Variants in MFHAS1 observed in about 807,000 individuals in gnomAD.
MFHAS1 encodes the protein multifunctional ROCO family signaling regulator 1, also known as malignant fibrous histiocytoma-amplified sequence 1.
Under a neutral mutation model 70.4 loss-of-function variants are expected in MFHAS1, and 50 were observed. The observed-to-expected ratio is 0.71, with a 90% CI of 0.57 to 0.90. The LOEUF (loss-of-function observed/expected upper bound fraction) is 0.90, where lower values mean the gene tolerates loss of function less well. MFHAS1 is among the 40% of genes least tolerant of loss of function. The probability of loss-of-function intolerance (pLI) is 0.00; values close to 1 mark genes in which losing one functional copy is unlikely to be tolerated. For synonymous variants in MFHAS1, 952 were observed against 620.0 expected (o/e 1.54, Z -7.96); for missense variants, 1,795 against 1,347.6 (o/e 1.33, Z -5.20).
chr8:8,793,170 T>C (rs1435397667), intron 2 of MFHAS1, among the ~76,000 whole-genome samples: 1 of 148,486 alleles, frequency 6.7e-6, no homozygotes, highest in Non-Finnish European at 1.5e-5. Flanking sequence ...AATCATGTTG[T>C]TAAAACAAAA....
In MFHAS1 at chr8:8,829,231, G is replaced by C. The variant is rs77575976; in HGVS notation, c.2999-31740C>G. ...CCCCTTCCCCATCCTGAGTCTGGCA[G>C]ATTCCAACTCAGTATGTGTACCGGG... On this transcript the variant is annotated intron_variant, in intron 1 of 2. Coordinates refer to ENST00000276282, the MANE Select transcript of MFHAS1 (RefSeq NM_004225.3). 6.8e-3 allele frequency among the ~76,000 whole-genome samples: 1,043 copies of C among 152,348 alleles called. 17 individuals carry two copies. The highest frequency in any genetic ancestry group is 0.023 in the African/African-American group (948 of 41,582).
intron 1 of MFHAS1, among the ~76,000 whole-genome samples, chr8:8,814,709 T>A (rs10088933): frequency 0.62 from 94,701 of 151,946 alleles, 30,077 homozygotes; most frequent in East Asian, 0.78. Flanking sequence ...ATAATTTTTT[T>A]AAATGGGTAA....
At chr8:8,791,676 A>G (rs1805723989) in intron 2 of MFHAS1, among the ~76,000 whole-genome samples, 2 of 152,342 alleles carry the variant, frequency 1.3e-5, no homozygotes, top group South Asian at 2.1e-4. Context: ...AAGCTTTAAA[A>G]GATAATGCGG....
intron 2 of MFHAS1, among the ~76,000 whole-genome samples, chr8:8,788,955 G>C (rs951855778): frequency 6.6e-6 from 1 of 152,228 alleles, no homozygotes; most frequent in Non-Finnish European, 1.5e-5. Flanking sequence ...ACGGCCAGGA[G>C]TTTGAACTTG....
rs144056636 is a variant in MFHAS1 at position 8,891,838 on chromosome 8, C to T, written c.1221G>A (p.Gln407=). 60 of 1,612,782 alleles carry T rather than the reference C, an allele frequency of 3.7e-5. 1 individual carries two copies. The Middle Eastern group carries it at 4.9e-4, about 13-fold the overall frequency. The change falls in exon 1 of 3, where the codon CAG becomes CAA. Residue 407 remains glutamine (Q), a synonymous_variant. Transcript: ENST00000276282. This position sits in a 1 kb window ranked among gnomAD's most constrained non-coding sequence, Gnocchi z 5.4. ...KELAHSQPAV[Q]PRLKLLLMGH... is the part of the protein sequence containing the mutation. Reference sequence around the variant, plus strand: ...CCATCAGGAGCAGCTTGAGCCGGGGCTGCACCGCCGGCTGGGAATGAGCCA... The same window carrying T: ...CCATCAGGAGCAGCTTGAGCCGGGGTTGCACCGCCGGCTGGGAATGAGCCA...
intron 1 of MFHAS1, among the ~76,000 whole-genome samples, chr8:8,807,415 C>G (rs1053552550): frequency 2.0e-5 from 3 of 152,158 alleles, no homozygotes; most frequent in Non-Finnish European, 4.4e-5. Context: ...TCCTCACTTA[C>G]TGCCTCTCAA....
chr8:8,874,846 A>C, intron 1 of MFHAS1, among the ~76,000 whole-genome samples: 1 of 152,134 alleles, frequency 6.6e-6, no homozygotes. Context: ...TAAGTATGAT[A>C]GACAAAAGGT....
At position 8,829,311 on chromosome 8, in the gene MFHAS1, C is replaced by T. The variant is rs114625858; in HGVS notation, c.2999-31820G>A. Among the ~76,000 whole-genome samples, 1,026 of 152,294 alleles carry T rather than the reference C, an allele frequency of 6.7e-3. 7 individuals are homozygous for T. Among genetic ancestry groups the T allele is most frequent in the African/African-American group, 0.021 (858 of 41,552 alleles). ...CACCCTTCTCCGTGCAGCTCAGCACCCTGGACATCATCTTCTTCACTGCCT... is the reference window on the plus strand; with the variant it reads ...CACCCTTCTCCGTGCAGCTCAGCACTCTGGACATCATCTTCTTCACTGCCT... On this transcript the variant is annotated intron_variant, in intron 1 of 2. Transcript: ENST00000276282.
At chr8:8,867,807 TC>T (rs1463177987) in intron 1 of MFHAS1, among the ~76,000 whole-genome samples, 1 of 152,124 alleles carries the variant, frequency 6.6e-6, no homozygotes, top group Non-Finnish European at 1.5e-5. Context: ...TGGGCCCACC[TC>T]GGCCTCCCAA....
intron 1 of MFHAS1, among the ~76,000 whole-genome samples, chr8:8,857,394 G>A (rs568249759): frequency 6.6e-6 from 1 of 152,092 alleles, no homozygotes; most frequent in Non-Finnish European, 1.5e-5. Flanking sequence ...AAACAAACCT[G>A]TGAATTTTCT....
intron 1 of MFHAS1, among the ~76,000 whole-genome samples, chr8:8,869,129 C>G (rs1808972268): frequency 6.6e-6 from 1 of 152,210 alleles, no homozygotes; most frequent in Non-Finnish European, 1.5e-5. Flanking sequence ...GCTGCCTGCT[C>G]TGTGCCATCA....
At chr8:8,866,536 T>C (rs4840371) in intron 1 of MFHAS1, among the ~76,000 whole-genome samples, 3,551 of 152,190 alleles carry the variant, frequency 0.023, 87 homozygotes, top group Admixed American at 0.054. Flanking sequence ...CAGGCTGGTC[T>C]TCAACTCCTG....
intron 1 of MFHAS1, among the ~76,000 whole-genome samples, chr8:8,887,871 A>C (rs1190217046): frequency 4.0e-5 from 6 of 150,892 alleles, no homozygotes; most frequent in Admixed American, 1.3e-4. Context: ...AAAAAAAAAA[A>C]AAAAAAACCT....
At chr8:8,802,487 G>C (rs981291269) in intron 1 of MFHAS1, among the ~76,000 whole-genome samples, 1 of 152,196 alleles carries the variant, frequency 6.6e-6, no homozygotes, top group Non-Finnish European at 1.5e-5. Flanking sequence ...GACATGGCGA[G>C]AAGACACCAT....
chr8:8,866,890 A>G (rs954476826), intron 1 of MFHAS1, among the ~76,000 whole-genome samples: 1 of 152,248 alleles, frequency 6.6e-6, no homozygotes, highest in African/African-American at 2.4e-5. Flanking sequence ...AGAACCGTGT[A>G]CTTGCATAAT....
chr8:8,809,873 G>C (rs1452980362), intron 1 of MFHAS1, among the ~76,000 whole-genome samples: 5 of 152,188 alleles, frequency 3.3e-5, no homozygotes, highest in African/African-American at 1.2e-4. Flanking sequence ...CTGGAAAATG[G>C]TTCCAGACTC....
intron 1 of MFHAS1, among the ~76,000 whole-genome samples, chr8:8,887,034 G>A (rs1275612978): frequency 6.6e-6 from 1 of 152,142 alleles, no homozygotes; most frequent in Non-Finnish European, 1.5e-5. Context: ...GGCTGAGGCA[G>A]GAGAATCGCT....
chr8:8,804,171 C>G (rs12544992), intron 1 of MFHAS1, among the ~76,000 whole-genome samples: 74,151 of 151,772 alleles, frequency 0.49, 18,811 homozygotes, highest in East Asian at 0.78. Flanking sequence ...TGAATATATC[C>G]TAAGGTATGG....
chr8:8,820,255 A>C (rs556076040), intron 1 of MFHAS1, among the ~76,000 whole-genome samples: 67 of 149,376 alleles, frequency 4.5e-4, no homozygotes, highest in Non-Finnish European at 8.3e-4. Context: ...CCCCCTTCCC[A>C]AGTCCCCAGG....
Sources: allele counts gnomAD v4.1 joint callset (sites outside exome capture counted in the v4.1 genomes callset), GRCh38; gene constraint gnomAD v4.1.1; non-coding constraint Gnocchi (gnomAD v3.1); transcripts MANE v1.5; gene names NCBI Gene and HGNC (gene_info 2026-07-23, HGNC 2026-07-21).